The following NLGN4Y variants were observed in gnomAD, a reference collection of about 807,000 sequenced individuals.
The protein encoded by NLGN4Y is neuroligin 4 Y-linked.
In NLGN4Y, 4 loss-of-function variants were observed where a neutral mutation model predicts 8.4. The observed-to-expected ratio is 0.48, with a 90% CI of 0.23 to 1.09. The LOEUF is 1.09. Ranked by LOEUF, NLGN4Y falls within the 50% of genes least tolerant of loss-of-function variation. NLGN4Y has a pLI of 0.19. For missense variants in NLGN4Y, 90 were observed against 192.3 expected (o/e 0.47, Z 3.15); for synonymous variants, 35 against 75.6 (o/e 0.46, Z 2.78).
intron 1 of NLGN4Y, among the ~76,000 whole-genome samples, chrY:14,545,202 C>G: frequency 3.0e-5 from 1 of 32,795 alleles, no homozygotes; most frequent in Admixed American, 2.8e-4. Flanking sequence ...TGGGTTGGTT[C>G]CAAGTCTTTG....
At chrY:14,676,390 T>C in intron 2 of NLGN4Y, among the ~76,000 whole-genome samples, 1 of 33,966 alleles carries the variant, frequency 2.9e-5, no homozygotes, top group Non-Finnish European at 7.3e-5. Context: ...GGCGTCTTTT[T>C]AGTGATGATC....
intron 4 of NLGN4Y, among the ~76,000 whole-genome samples, chrY:14,751,500 G>T (rs2081041004): frequency 3.1e-5 from 1 of 32,374 alleles, no homozygotes; most frequent in African/African-American, 1.2e-4. Flanking sequence ...GTATTTATTG[G>T]CCGTTTGTTT....
intron 1 of NLGN4Y, among the ~76,000 whole-genome samples, chrY:14,589,405 G>A: frequency 7.0e-5 from 2 of 28,530 alleles, no homozygotes; most frequent in African/African-American, 1.4e-4. Context: ...ACAGAGTGCC[G>A]ATTGGTGTAT....
chrY:14,531,283 CAGATCAT>C (rs2080114024), intron 1 of NLGN4Y, among the ~76,000 whole-genome samples: 3 of 32,926 alleles, frequency 9.1e-5, no homozygotes, highest in African/African-American at 3.5e-4. Flanking sequence ...TAAACATACA[CAGATCAT>C]AGATTATTCA....
chrY:14,673,988 G>T (rs2080735524), intron 2 of NLGN4Y, among the ~76,000 whole-genome samples: 1 of 27,923 alleles, frequency 3.6e-5, no homozygotes, highest in Non-Finnish European at 8.3e-5. Context: ...TGAACAATGA[G>T]ATCACATGGA....
At chrY:14,580,877 GAAAAAAAAA>G (rs748606939) in intron 1 of NLGN4Y, among the ~76,000 whole-genome samples, 2 of 3,102 alleles carry the variant, frequency 6.4e-4, no homozygotes, top group East Asian at 6.3e-3. Flanking sequence ...CATCTGTATG[GAAAAAAAAA>G]AAAAAAAAAA....
At chrY:14,610,035 G>A in intron 1 of NLGN4Y, among the ~76,000 whole-genome samples, 2 of 33,398 alleles carry the variant, frequency 6.0e-5, no homozygotes, top group Admixed American at 2.7e-4. Context: ...ATTTCTGTGC[G>A]ATCAGTAGTG....
chrY:14,696,302 C>T, intron 2 of NLGN4Y, among the ~76,000 whole-genome samples: 1 of 32,237 alleles, frequency 3.1e-5, no homozygotes, highest in African/African-American at 1.2e-4. Flanking sequence ...ATATAAATTT[C>T]CCAGGGCTTC....
At chrY:14,679,744 T>C in intron 2 of NLGN4Y, among the ~76,000 whole-genome samples, 2 of 33,151 alleles carry the variant, frequency 6.0e-5, no homozygotes, top group Non-Finnish European at 1.5e-4. Flanking sequence ...TAGTAAGAGA[T>C]AAAACCAGTT....
chrY:14,749,216 A>G, intron 4 of NLGN4Y, among the ~76,000 whole-genome samples: 1 of 33,187 alleles, frequency 3.0e-5, no homozygotes, highest in East Asian at 8.1e-4. Context: ...ATGCACCCAC[A>G]TACGTGTATT....
chrY:14,565,123 A>G, intron 1 of NLGN4Y, among the ~76,000 whole-genome samples: 1 of 32,562 alleles, frequency 3.1e-5, no homozygotes, highest in Non-Finnish European at 7.5e-5. Flanking sequence ...CCTCCAGAGG[A>G]TCACAACTCC....
chrY:14,528,129 C>G (rs2080099841), intron 1 of NLGN4Y, among the ~76,000 whole-genome samples: 1 of 32,073 alleles, frequency 3.1e-5, no homozygotes, highest in Non-Finnish European at 7.6e-5. Context: ...GTTGAGATTT[C>G]AAACTTTAGA....
chrY:14,759,954 A>G (rs2150570017), intron 4 of NLGN4Y, among the ~76,000 whole-genome samples: 1 of 33,707 alleles, frequency 3.0e-5, no homozygotes, highest in East Asian at 7.7e-4. Context: ...TATGTCTGCA[A>G]TGGATCTACA....
intron 4 of NLGN4Y, among the ~76,000 whole-genome samples, chrY:14,735,578 C>T (rs891751180): frequency 2.1e-4 from 7 of 33,342 alleles, no homozygotes; most frequent in Non-Finnish European, 3.0e-4. Flanking sequence ...AGTGTGAGAA[C>T]GGACTAAATA....
At chrY:14,827,154 G>C in intron 5 of NLGN4Y, among the ~76,000 whole-genome samples, 1 of 33,515 alleles carries the variant, frequency 3.0e-5, no homozygotes, top group South Asian at 6.8e-4. Context: ...GCTAATAACA[G>C]GGAAGAGGAA....
intron 4 of NLGN4Y, among the ~76,000 whole-genome samples, chrY:14,735,598 A>G: frequency 6.0e-5 from 2 of 33,437 alleles, no homozygotes; most frequent in African/African-American, 2.3e-4. Context: ...ACAGTAAATT[A>G]GTTCTGAGAG....
intron 2 of NLGN4Y, chrY:14,639,704 G>A: frequency 1.3e-5 from 2 of 152,034 alleles, no homozygotes; most frequent in African/African-American, 8.8e-5. Flanking sequence ...AATAGCCTGT[G>A]TTTGCAGTGA....
intron 1 of NLGN4Y, among the ~76,000 whole-genome samples, chrY:14,590,079 T>C (rs2080362132): frequency 2.9e-5 from 1 of 34,121 alleles, no homozygotes; most frequent in Non-Finnish European, 7.4e-5. Context: ...CTGCTCCGAG[T>C]GCGGGGCCCG....
At chrY:14,605,819 A>G in intron 1 of NLGN4Y, among the ~76,000 whole-genome samples, 2 of 33,971 alleles carry the variant, frequency 5.9e-5, no homozygotes, top group African/African-American at 2.3e-4. Context: ...GATATGACAA[A>G]AGACAAATTA....
Sources: gnomAD v4.1 joint callset for allele counts (sites outside exome capture counted in the v4.1 genomes callset) on GRCh38, gnomAD v4.1.1 for gene constraint, MANE v1.5 for transcripts, NCBI Gene and HGNC (gene_info 2026-07-23, HGNC 2026-07-21) for gene names.